Variants in KHDRBS2 observed in about 807,000 individuals in gnomAD.
The protein encoded by KHDRBS2 is KH RNA binding domain containing, signal transduction associated 2.
In KHDRBS2, 26 loss-of-function variants were observed where a neutral mutation model predicts 44.3. The ratio of observed to expected loss-of-function variants is 0.59; its 90% confidence interval spans 0.43 to 0.81. KHDRBS2 has a LOEUF of 0.81. KHDRBS2 is among the 40% of genes least tolerant of loss of function. The probability of loss-of-function intolerance (pLI) is 0.00; values close to 1 mark genes in which losing one functional copy is unlikely to be tolerated. For missense variants in KHDRBS2, 476 were observed against 433.1 expected (o/e 1.10, Z -0.88); for synonymous variants, 194 against 151.1 (o/e 1.28, Z -2.08).
At chr6:61,597,125 T>C in the KHDRBS2 span, among the ~76,000 whole-genome samples, 1 of 152,176 alleles carries the variant, frequency 6.6e-6, no homozygotes, top group South Asian at 2.1e-4. Context: ...AGTAAGATAG[T>C]TTTTTATGTA....
At chr6:62,001,520 A>G (rs1376052143) in intron 3 of KHDRBS2, among the ~76,000 whole-genome samples, 1 of 152,082 alleles carries the variant, frequency 6.6e-6, no homozygotes. Flanking sequence ...CTAACTTGAA[A>G]CTGCCCAGGG....
chr6:61,559,498 C>G, the KHDRBS2 span, among the ~76,000 whole-genome samples: 2 of 152,106 alleles, frequency 1.3e-5, no homozygotes, highest in Admixed American at 1.3e-4. Flanking sequence ...TCTCTTCTTT[C>G]TGGTCTTCAT....
At chr6:61,564,421 C>G in the KHDRBS2 span, among the ~76,000 whole-genome samples, 4 of 152,204 alleles carry the variant, frequency 2.6e-5, no homozygotes, top group Admixed American at 6.5e-5. Flanking sequence ...GTGGGGCCAG[C>G]TTTACATGGC....
At chr6:61,992,359 T>A (rs892221578) in intron 3 of KHDRBS2, among the ~76,000 whole-genome samples, 1 of 152,158 alleles carries the variant, frequency 6.6e-6, no homozygotes, top group Admixed American at 6.5e-5. Context: ...ACCATCCTCT[T>A]TTAAACCTCT....
At chr6:61,827,159 G>T (rs1022724633) in intron 6 of KHDRBS2, among the ~76,000 whole-genome samples, 10 of 152,160 alleles carry the variant, frequency 6.6e-5, no homozygotes, top group African/African-American at 2.2e-4. Context: ...CACCCATTAG[G>T]TAATAAACAT....
intron 3 of KHDRBS2, among the ~76,000 whole-genome samples, chr6:62,032,667 C>G (rs1354688641): frequency 2.0e-5 from 3 of 151,710 alleles, no homozygotes; most frequent in Non-Finnish European, 4.4e-5. Flanking sequence ...GCTTGGGGTA[C>G]CCACAAAAGC....
intron 4 of KHDRBS2, among the ~76,000 whole-genome samples, chr6:61,976,106 A>G (rs535662237): frequency 6.6e-6 from 1 of 152,294 alleles, no homozygotes; most frequent in South Asian, 2.1e-4. Flanking sequence ...TCTTCATCTG[A>G]GTCTGTATAT....
intron 8 of KHDRBS2, among the ~76,000 whole-genome samples, chr6:61,694,500 G>T (rs1474159923): frequency 6.6e-6 from 1 of 152,102 alleles, no homozygotes; most frequent in Non-Finnish European, 1.5e-5. Context: ...CTTATTCATT[G>T]ATCATCCTGT....
At chr6:62,074,731 C>A (rs1795987456) in intron 2 of KHDRBS2, among the ~76,000 whole-genome samples, 1 of 151,874 alleles carries the variant, frequency 6.6e-6, no homozygotes. Flanking sequence ...CAAACATGCT[C>A]TTTTACCTCC....
At chr6:61,544,344 C>T in the KHDRBS2 span, among the ~76,000 whole-genome samples, 5 of 151,988 alleles carry the variant, frequency 3.3e-5, no homozygotes, top group Admixed American at 3.3e-4. Flanking sequence ...ATAATCAGCA[C>T]CTTAACTAAG....
intron 2 of KHDRBS2, among the ~76,000 whole-genome samples, chr6:62,107,179 T>C (rs1803618845): frequency 6.6e-6 from 1 of 151,994 alleles, no homozygotes; most frequent in Non-Finnish European, 1.5e-5. Flanking sequence ...GACATGATTG[T>C]ATATCTAGAA....
At chr6:62,009,909 AG>A (rs1779981969) in intron 3 of KHDRBS2, among the ~76,000 whole-genome samples, 1 of 152,204 alleles carries the variant, frequency 6.6e-6, no homozygotes, top group African/African-American at 2.4e-5. Flanking sequence ...AAGCTCTGCT[AG>A]GGCACTGCAG....
intron 4 of KHDRBS2, among the ~76,000 whole-genome samples, chr6:61,923,790 A>G (rs2127360994): frequency 6.6e-6 from 1 of 152,240 alleles, no homozygotes; most frequent in African/African-American, 2.4e-5. Context: ...CTTCTAGTCA[A>G]CATTGCACTG....
At chr6:62,018,647 A>G (rs1363072185) in intron 3 of KHDRBS2, among the ~76,000 whole-genome samples, 1 of 152,088 alleles carries the variant, frequency 6.6e-6, no homozygotes, top group Non-Finnish European at 1.5e-5. Context: ...GCCCGGCCCA[A>G]TATTACTAAA....
intron 2 of KHDRBS2, among the ~76,000 whole-genome samples, chr6:62,119,230 C>T (rs1407454927): frequency 2.0e-5 from 3 of 152,122 alleles, no homozygotes; most frequent in African/African-American, 4.8e-5. Flanking sequence ...AAAATTAATG[C>T]ACTTGATATT....
chr6:61,646,406 A>G, the KHDRBS2 span, among the ~76,000 whole-genome samples: 4 of 152,268 alleles, frequency 2.6e-5, no homozygotes, highest in African/African-American at 7.2e-5. Flanking sequence ...ATTTCACAGT[A>G]TATGTCTTTT....
At chr6:62,077,515 A>C (rs1796580223) in intron 2 of KHDRBS2, among the ~76,000 whole-genome samples, 1 of 151,988 alleles carries the variant, frequency 6.6e-6, no homozygotes, top group African/African-American at 2.4e-5. Flanking sequence ...TGAATGAGGC[A>C]ATTTTCCAAG....
intron 2 of KHDRBS2, among the ~76,000 whole-genome samples, chr6:62,090,573 AT>A (rs1489955259): frequency 1.3e-5 from 2 of 150,444 alleles, no homozygotes; most frequent in Non-Finnish European, 3.0e-5. Context: ...TTTTTTTTTA[AT>A]TTTACTTATT....
At chr6:61,907,035 T>C (rs897902050) in intron 4 of KHDRBS2, among the ~76,000 whole-genome samples, 5 of 152,156 alleles carry the variant, frequency 3.3e-5, no homozygotes, top group African/African-American at 1.2e-4. Flanking sequence ...AAACAGTGTA[T>C]GAGGGTTTCC....
Sources: allele counts gnomAD v4.1 joint callset (sites outside exome capture counted in the v4.1 genomes callset), GRCh38; gene constraint gnomAD v4.1.1; transcripts MANE v1.5; gene names NCBI Gene and HGNC (gene_info 2026-07-23, HGNC 2026-07-21).